Variants in PHF19 observed in about 807,000 individuals in gnomAD.
PHF19 encodes polycomb like 3.
In PHF19, 21 loss-of-function variants were observed where a neutral mutation model predicts 79.8. The ratio of observed to expected loss-of-function variants is 0.26; its 90% CI spans 0.19 to 0.38. The LOEUF (loss-of-function observed/expected upper bound fraction) is 0.38. PHF19 is among the 10% of genes least tolerant of loss of function. PHF19 has a pLI of 1.00. For missense variants in PHF19, 445 were observed against 744.2 expected (o/e 0.60, Z 4.68); for synonymous variants, 273 against 296.3 (o/e 0.92, Z 0.81).
Position 120,857,880 on chromosome 9 carries a change from G to A in PHF19, c.*64C>T. On this transcript the variant is annotated 3_prime_UTR_variant, in exon 15 of 15. Transcript: ENST00000373896. Reference sequence around the variant, plus strand: ...CCCACCCCAGCCTGGAGAAAGCTGGGGAGCCTATGGCTTCTGCTGCTCCTC... The same window carrying A: ...CCCACCCCAGCCTGGAGAAAGCTGGAGAGCCTATGGCTTCTGCTGCTCCTC... The A allele has an allele frequency of 3.2e-6, 3 of 952,240 alleles. No individual in the cohort carries two copies. The East Asian group carries it at 8.0e-5, about 25-fold the overall frequency. 59.0% of individuals were successfully genotyped at this position (952,240 alleles called of 1,614,324 possible). A position where few individuals can be genotyped will look rare whatever the true frequency, so the allele number is the denominator to read the frequency against.
In PHF19 at chr9:120,866,819, T is replaced by C. The variant is rs1363053435; in HGVS notation, c.710+51A>G. 6.0e-6 allele frequency: 6 copies of C among 993,058 alleles called. No individual in the cohort carries two copies. In the South Asian group the frequency reaches 7.7e-5, roughly 13 times the overall value. 61.5% of individuals were successfully genotyped at this position (993,058 alleles called of 1,614,324 possible). ...CTGCAGGAGTTGTTGCTGCCATCCC[T>C]GCCCTCTCCCCACCACGCCCAAGGC... On this transcript the variant is annotated intron_variant, in intron 7 of 14. Coordinates refer to ENST00000373896, the MANE Select transcript of PHF19 (RefSeq NM_015651.3). This position sits in a 1 kb window ranked among gnomAD's most constrained non-coding sequence, Gnocchi z 5.2.
rs1278221624 is a variant in PHF19, at chr9:120,891,534, G to A, written c.42+3254C>T. On this transcript the variant is annotated intron_variant, in intron 1 of 14. Coordinates refer to the PHF19 transcript ENST00000616568. This position sits in a 1 kb window ranked among gnomAD's most constrained non-coding sequence, Gnocchi z 4.3. ...TTGAAAAGCTCCCCGGGTGGTTCAA[G>A]GTGCAGCCCAGGTGGAGCGCCACCA... Among the ~76,000 whole-genome samples, 3 of 152,132 alleles carry A rather than the reference G, an allele frequency of 2.0e-5. No individual in the cohort carries two copies. The highest frequency in any genetic ancestry group is 4.4e-5 in the Non-Finnish European group (3 of 68,034).
At chr9:120,882,125 T>C (rs1295203479), upstream of PHF19, among the ~76,000 whole-genome samples, 1 of 152,212 alleles carries the variant, frequency 6.6e-6, no homozygotes, top group Admixed American at 6.5e-5. Flanking sequence ...AGGTCCATTT[T>C]GCAGGGGATG....
At chr9:120,899,264 T>G (rs2046423018), upstream of PHF19, among the ~76,000 whole-genome samples, 1 of 149,790 alleles carries the variant, frequency 6.7e-6, no homozygotes, top group South Asian at 2.1e-4. Flanking sequence ...TTTGGGAAGC[T>G]GAGGCAAGTG....
At position 120,869,164 on chromosome 9, in the gene PHF19, C is replaced by T. The variant is rs773138049; in HGVS notation, c.614+18G>A. The stretch of plus-strand genomic sequence containing the variant: ...AGACCTGCCCTGCCGCCCGGGGGGC[C>T]CTGACCCCCTGCCTTACTCTCCGGG... On this transcript the variant is annotated intron_variant, in intron 6 of 14. Coordinates refer to ENST00000373896, the MANE Select transcript of PHF19 (RefSeq NM_015651.3). The surrounding 1 kb of genome is among the most constrained non-coding windows in gnomAD (Gnocchi z 5.8). 6.3e-6 allele frequency: 10 copies of T among 1,598,172 alleles called. No homozygotes were observed. The highest frequency in any genetic ancestry group is 7.7e-6 in the Non-Finnish European group (9 of 1,172,630).
upstream of PHF19, among the ~76,000 whole-genome samples, chr9:120,897,098 G>A (rs1326162586): frequency 6.6e-6 from 1 of 152,220 alleles, no homozygotes; most frequent in Non-Finnish European, 1.5e-5. Flanking sequence ...GCAAATATGC[G>A]GATTACGATC....
At chr9:120,878,745 G>A (rs1002917748), upstream of PHF19, among the ~76,000 whole-genome samples, 7 of 152,182 alleles carry the variant, frequency 4.6e-5, no homozygotes, top group African/African-American at 1.4e-4. Context: ...GCACTGCTGA[G>A]TACCTGCCTG....
intron 1 of PHF19, among the ~76,000 whole-genome samples, chr9:120,884,184 G>A (rs1042561526): frequency 2.0e-5 from 3 of 151,998 alleles, no homozygotes; most frequent in Non-Finnish European, 4.4e-5. Flanking sequence ...CATTCAATTA[G>A]AGATTTTGAT....
chr9:120,867,431 C>A (rs1203597766), intron 6 of PHF19, among the ~76,000 whole-genome samples: 1 of 152,236 alleles, frequency 6.6e-6, no homozygotes, highest in Non-Finnish European at 1.5e-5. Context: ...CTTTTCTCAC[C>A]TGCAACTGTA....
chr9:120,869,044 C>A lies in PHF19; in HGVS notation c.614+138G>T, dbSNP rs1284550344. 10 of 949,276 alleles carry A rather than the reference C, an allele frequency of 1.1e-5. No individual in the cohort carries two copies. In the East Asian group the frequency reaches 3.2e-4, roughly 31 times the overall value. The allele number at this position is 949,276 out of a possible 1,614,324, so 58.8% of individuals were successfully genotyped here. On this transcript the variant is annotated intron_variant, in intron 6 of 14. Transcript: ENST00000373896. The surrounding 1 kb of genome is among the most constrained non-coding windows in gnomAD (Gnocchi z 5.8). ...GGCCCGCCCCTCGAGGCCCCGCCCC[C>A]ACAGCGCAACACACTGGGCCCGCCC...
chr9:120,858,809 C>T (rs989105956), intron 14 of PHF19, among the ~76,000 whole-genome samples: 4 of 86,534 alleles, frequency 4.6e-5, no homozygotes, highest in African/African-American at 1.6e-4. Context: ...GACTGACAGA[C>T]ATCACACACA....
chr9:120,884,393 G>A (rs2046234367), intron 1 of PHF19, among the ~76,000 whole-genome samples: 1 of 141,806 alleles, frequency 7.1e-6, no homozygotes. Flanking sequence ...GCCCCAAGCT[G>A]GGTGTGTAGG....
intron 6 of PHF19, chr9:120,868,980 T>G (rs1196720605): frequency 3.4e-5 from 3 of 88,840 alleles, no homozygotes; most frequent in Admixed American, 3.5e-4. Flanking sequence ...CCTCCCCGAG[T>G]CCCGCCCCCG....
At position 120,857,839 on chromosome 9, in the gene PHF19, T is replaced by C; in HGVS notation, c.*105A>G. ...GCATTCTGCCAGGCACTTGCAGCTC[T>C]GTCCTGCTTCCTTCTCCCACCCCAG... On this transcript the variant is annotated 3_prime_UTR_variant, in exon 15 of 15. Transcript: ENST00000373896. 4.4e-6 allele frequency: 3 copies of C among 677,880 alleles called. No homozygotes were observed. In the South Asian group the frequency reaches 5.9e-5, roughly 13 times the overall value. The allele number at this position is 677,880 out of a possible 1,614,324, so 42.0% of individuals were successfully genotyped here. A position where few individuals can be genotyped will look rare whatever the true frequency, so the allele number is the denominator to read the frequency against.
Position 120,891,161 on chromosome 9 carries a change from G to T in PHF19, c.42+3627C>A, listed in dbSNP as rs1160410606. Among the ~76,000 whole-genome samples the T allele has an allele frequency of 6.6e-6, 1 of 152,098 alleles. No homozygotes were observed. Among genetic ancestry groups the T allele is most frequent in the Non-Finnish European group, 1.5e-5 (1 of 68,022 alleles). Reference sequence around the variant, plus strand: ...CCCCAGGGCTGGGTTAGGTATCCCTGCTCATGCCCCAGAGCGCCTGGGTTT... The same window carrying T: ...CCCCAGGGCTGGGTTAGGTATCCCTTCTCATGCCCCAGAGCGCCTGGGTTT... On this transcript the variant is annotated intron_variant, in intron 1 of 14. Coordinates refer to the PHF19 transcript ENST00000616568. This position sits in a 1 kb window ranked among gnomAD's most constrained non-coding sequence, Gnocchi z 4.3.
Position 120,862,127 on chromosome 9 carries a change from C to A in PHF19, c.1131-122G>T. On this transcript the variant is annotated intron_variant, in intron 11 of 14. Transcript: ENST00000373896. The surrounding 1 kb of genome is among the most constrained non-coding windows in gnomAD (Gnocchi z 4.6). ...TTGGGGAGACAGGCTCTGAACACAGCTGCACCTTCACAGGGAGGCCTGGGG... is the reference window on the plus strand; with the variant it reads ...TTGGGGAGACAGGCTCTGAACACAGATGCACCTTCACAGGGAGGCCTGGGG... 1 of 756,058 alleles carries A rather than the reference C, an allele frequency of 1.3e-6. No individual in the cohort carries two copies. The highest frequency in any genetic ancestry group is 2.4e-6 in the Non-Finnish European group (1 of 417,252). The allele number at this position is 756,058 out of a possible 1,614,324, so 46.8% of individuals were successfully genotyped here.
intron 6 of PHF19, among the ~76,000 whole-genome samples, chr9:120,867,421 CT>C (rs2045737352): frequency 6.6e-6 from 1 of 152,218 alleles, no homozygotes; most frequent in African/African-American, 2.4e-5. Context: ...CTACATCTGG[CT>C]TTTCTCACCT....
intron 1 of PHF19, among the ~76,000 whole-genome samples, chr9:120,892,010 G>A (rs1234836034): frequency 6.6e-6 from 1 of 152,206 alleles, no homozygotes; most frequent in African/African-American, 2.4e-5. Context: ...GCGGGGACTG[G>A]AAAACGACTG....
chr9:120,896,576 C>T (rs530482060), upstream of PHF19, among the ~76,000 whole-genome samples: 16 of 151,574 alleles, frequency 1.1e-4, no homozygotes, highest in Middle Eastern at 3.4e-3. Flanking sequence ...CTCAGCCTCC[C>T]GTGTAGCTGG....
Sources: gnomAD v4.1 joint callset for allele counts (sites outside exome capture counted in the v4.1 genomes callset) on GRCh38, gnomAD v4.1.1 for gene constraint, Gnocchi (gnomAD v3.1) non-coding constraint, MANE v1.5 for transcripts, NCBI Gene and HGNC (gene_info 2026-07-23, HGNC 2026-07-21) for gene names.